PCDH15: variants seen among roughly 807,000 people sequenced by gnomAD.
The protein encoded by PCDH15 is protocadherin related 15, also known as protocadherin-15.
In PCDH15, 129 loss-of-function variants were observed where a neutral mutation model predicts 178.5. That is an observed-to-expected ratio of 0.72 (90% CI 0.63 to 0.84). The LOEUF (loss-of-function observed/expected upper bound fraction) is 0.84, where lower values mean the gene tolerates loss of function less well. Among genes scored for constraint, PCDH15 ranks in the 40% least tolerant of loss-of-function variants. PCDH15 has a pLI of 0.00. For synonymous variants in PCDH15, 800 were observed against 732.0 expected, an observed-to-expected ratio of 1.09 and a Z score of -1.50; for missense variants, 2,230 against 2,099.9, an observed-to-expected ratio of 1.06 and a Z score of -1.21.
intron 2 of PCDH15, among the ~76,000 whole-genome samples, chr10:55,054,980 T>C (rs1841261256): frequency 6.6e-6 from 1 of 152,306 alleles, no homozygotes; most frequent in South Asian, 2.1e-4. Context: ...GTTTATGTTG[T>C]TGAGAGATTC....
At chr10:55,037,901 T>C (rs1840776911) in intron 2 of PCDH15, among the ~76,000 whole-genome samples, 1 of 152,216 alleles carries the variant, frequency 6.6e-6, no homozygotes, top group South Asian at 2.1e-4. Context: ...TATTCTGTGA[T>C]ACCTAGCGCA....
rs73248517 is a variant in PCDH15 at position 53,928,241 on chromosome 10, G to A, written c.3373+10574C>T. Among the ~76,000 whole-genome samples, 840 of 151,736 alleles carry A rather than the reference G, an allele frequency of 5.5e-3. 9 individuals are homozygous for A. Among genetic ancestry groups the A allele is most frequent in the African/African-American group, 0.019 (779 of 41,440 alleles). On this transcript the variant is annotated intron_variant, in intron 25 of 37. Coordinates refer to ENST00000644397, the MANE Select transcript of PCDH15 (RefSeq NM_001384140.1). ...TAAGCATAATGCTGAATTTATTTTC[G>A]TCTATTTAATGAGAAGCTTTTTTTT...
chr10:55,279,666 T>C lies in PCDH15; in HGVS notation c.-156+39933A>G, dbSNP rs2132255893. The stretch of plus-strand genomic sequence containing the variant: ...ATTATGTAATCAGCCTTGTTTCTGC[T>C]ATATAATACAAATTGAACTTAAAAA... On this transcript the variant is annotated intron_variant, in intron 1 of 5. Transcript: ENST00000458638. Among the ~76,000 whole-genome samples the C allele has an allele frequency of 1.3e-5, 2 of 152,308 alleles. 1 individual carries two copies. Among genetic ancestry groups the C allele is most frequent in the Middle Eastern group, 6.8e-3 (2 of 294 alleles).
At chr10:54,511,730 A>T (rs1315184327) in intron 3 of PCDH15, among the ~76,000 whole-genome samples, 1 of 152,208 alleles carries the variant, frequency 6.6e-6, no homozygotes, top group Non-Finnish European at 1.5e-5. Flanking sequence ...TGACTGAAAT[A>T]GATTTATATA....
At chr10:54,307,082 A>AATTGC in intron 8 of PCDH15, among the ~76,000 whole-genome samples, 1 of 4,430 alleles carries the variant, frequency 2.3e-4, no homozygotes, top group Non-Finnish European at 4.3e-4. Context: ...ATATATATAC[A>AATTGC]TATATATATA....
chr10:54,194,740 C>CCA (rs2049422054), intron 11 of PCDH15, among the ~76,000 whole-genome samples: 1 of 150,986 alleles, frequency 6.6e-6, no homozygotes, highest in Admixed American at 6.6e-5. Context: ...ATCTATCTAT[C>CCA]TATATATATA....
chr10:54,977,871 A>C (rs1019826800), intron 2 of PCDH15, among the ~76,000 whole-genome samples: 24 of 152,158 alleles, frequency 1.6e-4, no homozygotes, highest in African/African-American at 5.3e-4. Context: ...ATTCTTACAG[A>C]AACATTGTAA....
chr10:55,069,345 T>C (rs1317424223), intron 2 of PCDH15, among the ~76,000 whole-genome samples: 6 of 150,174 alleles, frequency 4.0e-5, no homozygotes, highest in African/African-American at 1.2e-4. Context: ...CTTACATATG[T>C]ATACATGTGC....
At chr10:55,619,890 T>G (rs1020111053) in intron 2 of PCDH15, among the ~76,000 whole-genome samples, 5 of 152,094 alleles carry the variant, frequency 3.3e-5, no homozygotes, top group African/African-American at 1.2e-4. Context: ...CAACTTTTTA[T>G]TTATTAATTA....
intron 1 of PCDH15, among the ~76,000 whole-genome samples, chr10:54,697,984 A>ACAC (rs1237037371): frequency 6.4e-5 from 3 of 47,144 alleles, no homozygotes; most frequent in Admixed American, 1.5e-4. Flanking sequence ...TCCTAAATCA[A>ACAC]TACTCATCCT....
chr10:54,042,641 T>C (rs2093573138), intron 18 of PCDH15, among the ~76,000 whole-genome samples: 1 of 152,058 alleles, frequency 6.6e-6, no homozygotes. Flanking sequence ...AGTGGAGTGA[T>C]GCAAATGATG....
intron 1 of PCDH15, among the ~76,000 whole-genome samples, chr10:55,181,963 T>G (rs1253436361): frequency 6.6e-6 from 1 of 151,994 alleles, no homozygotes; most frequent in Admixed American, 6.6e-5. Context: ...AATCTAATTT[T>G]CTGTATCAAG....
chr10:54,992,147 T>C (rs964583697), intron 2 of PCDH15, among the ~76,000 whole-genome samples: 9 of 152,152 alleles, frequency 5.9e-5, no homozygotes, highest in African/African-American at 2.2e-4. Flanking sequence ...AAGGAAAATG[T>C]ATTATTAAAT....
intron 35 of PCDH15, among the ~76,000 whole-genome samples, chr10:53,814,514 A>G (rs930152348): frequency 9.2e-5 from 14 of 152,262 alleles, no homozygotes; most frequent in African/African-American, 3.1e-4. Context: ...AACCCAGGAA[A>G]CTCAGCAAGA....
intron 1 of PCDH15, among the ~76,000 whole-genome samples, chr10:55,185,104 A>T (rs1421851956): frequency 1.3e-5 from 2 of 151,886 alleles, no homozygotes; most frequent in Non-Finnish European, 2.9e-5. Context: ...GCACAGAGTC[A>T]TAGTGAAAAC....
At chr10:53,952,381 T>C (rs558364128) in intron 23 of PCDH15, among the ~76,000 whole-genome samples, 44 of 152,296 alleles carry the variant, frequency 2.9e-4, no homozygotes, top group African/African-American at 1.1e-3. Context: ...GCTGTCCCGA[T>C]GTCTGCAGCC....
At chr10:54,547,830 A>G (rs1328814241) in intron 2 of PCDH15, among the ~76,000 whole-genome samples, 1 of 152,068 alleles carries the variant, frequency 6.6e-6, no homozygotes, top group Middle Eastern at 3.2e-3. Context: ...TGGGTATAGT[A>G]TATATTTATA....
At chr10:55,552,790 T>C (rs939739891) in intron 2 of PCDH15, among the ~76,000 whole-genome samples, 8 of 151,458 alleles carry the variant, frequency 5.3e-5, no homozygotes, top group Non-Finnish European at 1.0e-4. Flanking sequence ...ATTATAAATA[T>C]ATGTACTAAA....
intron 2 of PCDH15, among the ~76,000 whole-genome samples, chr10:55,612,694 T>C (rs1843392821): frequency 6.6e-6 from 1 of 152,148 alleles, no homozygotes; most frequent in African/African-American, 2.4e-5. Context: ...TATTTTAGAC[T>C]GTACTGTGCA....
Sources: allele counts gnomAD v4.1 joint callset (sites outside exome capture counted in the v4.1 genomes callset), GRCh38; gene constraint gnomAD v4.1.1; transcripts MANE v1.5; gene names NCBI Gene and HGNC (gene_info 2026-07-23, HGNC 2026-07-21).